The following SGCD variants were observed in gnomAD, a reference collection of about 807,000 sequenced individuals.
SGCD encodes delta-sarcoglycan.
A neutral mutation model predicts 36.6 loss-of-function variants in SGCD; 18 were observed. The ratio of observed to expected loss-of-function variants is 0.49; its 90% CI spans 0.34 to 0.73. The LOEUF is 0.73. Ranked by LOEUF, SGCD falls within the 30% of genes least tolerant of loss-of-function variation. SGCD has a pLI of 0.01. For missense variants in SGCD, 387 were observed against 346.7 expected (o/e 1.12, Z -0.92); for synonymous variants, 133 against 130.6 (o/e 1.02, Z -0.12).
At chr5:156,355,897 A>G (rs1187754460) in intron 3 of SGCD, among the ~76,000 whole-genome samples, 2 of 152,208 alleles carry the variant, frequency 1.3e-5, no homozygotes, top group African/African-American at 4.8e-5. Flanking sequence ...TCGGCCTCAC[A>G]TAATTTCTGT....
At chr5:155,886,367 G>T (rs1002135733) in intron 1 of SGCD, among the ~76,000 whole-genome samples, 2 of 152,164 alleles carry the variant, frequency 1.3e-5, no homozygotes, top group African/African-American at 2.4e-5. Context: ...ACCATTCAGA[G>T]AATTCAAATG....
intron 3 of SGCD, among the ~76,000 whole-genome samples, chr5:156,370,684 CTG>C (rs949927193): frequency 3.0e-4 from 45 of 152,254 alleles, no homozygotes; most frequent in African/African-American, 1.1e-3. Flanking sequence ...ATTTACAAGA[CTG>C]AAACATACAC....
At chr5:155,946,441 A>T (rs1757438695) in intron 1 of SGCD, among the ~76,000 whole-genome samples, 1 of 152,082 alleles carries the variant, frequency 6.6e-6, no homozygotes, top group Non-Finnish European at 1.5e-5. Context: ...TTTCTTGATG[A>T]GAGTTTAATT....
At chr5:156,476,574 T>C (rs1755190513) in intron 3 of SGCD, among the ~76,000 whole-genome samples, 1 of 152,192 alleles carries the variant, frequency 6.6e-6, no homozygotes. Context: ...AATCAGGGCA[T>C]AGAAGAATTA....
At chr5:155,852,735 C>T in the SGCD span, among the ~76,000 whole-genome samples, 6 of 152,052 alleles carry the variant, frequency 3.9e-5, no homozygotes, top group South Asian at 2.1e-4. Context: ...ATTCTTTTAA[C>T]GTGGCGGGTT....
intron 3 of SGCD, among the ~76,000 whole-genome samples, chr5:156,256,709 G>C (rs1326614400): frequency 6.6e-6 from 1 of 152,170 alleles, no homozygotes; most frequent in Non-Finnish European, 1.5e-5. Context: ...TTGTAGGGTA[G>C]AAATTTGCTT....
At chr5:156,566,402 C>G (rs956347508) in intron 4 of SGCD, among the ~76,000 whole-genome samples, 1 of 152,116 alleles carries the variant, frequency 6.6e-6, no homozygotes, top group Admixed American at 6.6e-5. Flanking sequence ...AAGGCCCCAG[C>G]ATGTCATCAA....
chr5:155,832,339 G>A, the SGCD span, among the ~76,000 whole-genome samples: 1 of 152,058 alleles, frequency 6.6e-6, no homozygotes, highest in Non-Finnish European at 1.5e-5. Context: ...TTCTCCATAT[G>A]GTAGCAGCCT....
chr5:155,787,446 G>T, the SGCD span, among the ~76,000 whole-genome samples: 41 of 152,130 alleles, frequency 2.7e-4, no homozygotes, highest in African/African-American at 8.9e-4. Flanking sequence ...CTTTCCAAAT[G>T]ACTCCTTAGC....
intron 4 of SGCD, among the ~76,000 whole-genome samples, chr5:156,586,821 G>T (rs7710178): frequency 0.17 from 25,164 of 152,006 alleles, 2,265 homozygotes; most frequent in African/African-American, 0.21. Context: ...AGGATTTCTT[G>T]TGCCAGCCAT....
intron 4 of SGCD, among the ~76,000 whole-genome samples, chr5:156,566,016 A>G (rs1306056450): frequency 6.6e-6 from 1 of 152,212 alleles, no homozygotes; most frequent in African/African-American, 2.4e-5. Flanking sequence ...ATACGTGTGC[A>G]TGTGTCAAAA....
chr5:155,936,809 G>A (rs1348829436), intron 1 of SGCD, among the ~76,000 whole-genome samples: 1 of 152,168 alleles, frequency 6.6e-6, no homozygotes, highest in African/African-American at 2.4e-5. Flanking sequence ...CATGCCCAGG[G>A]GCACCTGCAG....
intron 3 of SGCD, among the ~76,000 whole-genome samples, chr5:156,454,496 T>A (rs1754166689): frequency 6.6e-6 from 1 of 152,196 alleles, no homozygotes; most frequent in Non-Finnish European, 1.5e-5. Flanking sequence ...ATGTGGTGAA[T>A]TCAGCTCATT....
chr5:156,184,240 A>T (rs747887831), intron 3 of SGCD, among the ~76,000 whole-genome samples: 7 of 152,282 alleles, frequency 4.6e-5, no homozygotes, highest in Admixed American at 3.3e-4. Context: ...ACGCTTTCAC[A>T]CCATTAGAAA....
chr5:156,641,814 T>A (rs1763037164), intron 6 of SGCD, among the ~76,000 whole-genome samples: 1 of 152,134 alleles, frequency 6.6e-6, no homozygotes. Flanking sequence ...TCCTCAGCCA[T>A]CCACTCTTCT....
intron 7 of SGCD, among the ~76,000 whole-genome samples, chr5:156,657,704 G>T (rs1763748307): frequency 6.6e-6 from 1 of 152,124 alleles, no homozygotes; most frequent in Admixed American, 6.6e-5. Context: ...GGAGGTTGCA[G>T]TTGTAGGGGT....
intron 3 of SGCD, among the ~76,000 whole-genome samples, chr5:156,185,370 A>G (rs910152759): frequency 2.0e-5 from 3 of 151,544 alleles, no homozygotes; most frequent in Admixed American, 6.6e-5. Context: ...GCCCGCCACC[A>G]TGCCCGGCAA....
chr5:156,424,627 TTGCTAGGTAGTA>T (rs1773583588), intron 3 of SGCD, among the ~76,000 whole-genome samples: 1 of 152,070 alleles, frequency 6.6e-6, no homozygotes, highest in African/African-American at 2.4e-5. Context: ...GCGTTTTTAT[TTGCTAGGTAGTA>T]TGCTAGGTAT....
chr5:156,584,345 G>A (rs1760405494), intron 4 of SGCD, among the ~76,000 whole-genome samples: 1 of 152,182 alleles, frequency 6.6e-6, no homozygotes, highest in Non-Finnish European at 1.5e-5. Flanking sequence ...TGCAAACGTT[G>A]AGACTGCAAT....
Sources: allele counts gnomAD v4.1 joint callset (sites outside exome capture counted in the v4.1 genomes callset), GRCh38; gene constraint gnomAD v4.1.1; transcripts MANE v1.5; gene names NCBI Gene and HGNC (gene_info 2026-07-23, HGNC 2026-07-21).